Variants in SEMA6D observed in about 807,000 individuals in gnomAD.
SEMA6D encodes semaphorin-6D.
A neutral mutation model predicts 106.6 loss-of-function variants in SEMA6D; 35 were observed. The observed-to-expected ratio is 0.33, with a 90% CI of 0.25 to 0.44. The LOEUF is 0.44. Among genes scored for constraint, SEMA6D ranks in the 20% least tolerant of loss-of-function variants. SEMA6D has a pLI of 1.00. For synonymous variants in SEMA6D, 499 were observed against 487.7 expected, an observed-to-expected ratio of 1.02 and a Z score of -0.31; for missense variants, 1,185 against 1,345.9, an observed-to-expected ratio of 0.88 and a Z score of 1.87.
intron 1 of SEMA6D, among the ~76,000 whole-genome samples, chr15:47,358,399 C>T (rs1234668145): frequency 6.6e-6 from 1 of 152,218 alleles, no homozygotes; most frequent in African/African-American, 2.4e-5. Flanking sequence ...ATTTACAAAA[C>T]ATTTTTCTAA....
intron 3 of SEMA6D, among the ~76,000 whole-genome samples, chr15:47,529,805 C>G (rs894899262): frequency 6.6e-6 from 1 of 152,134 alleles, no homozygotes; most frequent in Non-Finnish European, 1.5e-5. Flanking sequence ...TTTTTCAAAA[C>G]CTACATTTTT....
At chr15:47,445,919 CA>C (rs1252470851) in intron 2 of SEMA6D, among the ~76,000 whole-genome samples, 1 of 152,134 alleles carries the variant, frequency 6.6e-6, no homozygotes, top group Non-Finnish European at 1.5e-5. Flanking sequence ...GTGCTGGCAA[CA>C]CAACACAGAT....
intron 4 of SEMA6D, among the ~76,000 whole-genome samples, chr15:47,658,619 A>T (rs555572162): frequency 1.2e-4 from 18 of 152,256 alleles, no homozygotes; most frequent in African/African-American, 4.1e-4. Context: ...GGACTGCGCA[A>T]TCCTTCCCCC....
chr15:47,331,013 G>A (rs530302272), intron 1 of SEMA6D, among the ~76,000 whole-genome samples: 1 of 152,308 alleles, frequency 6.6e-6, no homozygotes, highest in East Asian at 1.9e-4. Flanking sequence ...TCAGTCTTTA[G>A]CTGTGACAAA....
At chr15:47,531,678 T>A (rs1249940580) in intron 3 of SEMA6D, among the ~76,000 whole-genome samples, 3 of 152,228 alleles carry the variant, frequency 2.0e-5, no homozygotes, top group Non-Finnish European at 2.9e-5. Context: ...CCCCCCAGAC[T>A]CATCCCCTCC....
At chr15:47,388,181 ACAAT>A (rs1187396498) in intron 1 of SEMA6D, among the ~76,000 whole-genome samples, 1 of 152,196 alleles carries the variant, frequency 6.6e-6, no homozygotes. Context: ...GAGCAAACAA[ACAAT>A]CAATGAATAT....
At chr15:47,672,362 G>A (rs990094577) in intron 4 of SEMA6D, among the ~76,000 whole-genome samples, 3 of 152,222 alleles carry the variant, frequency 2.0e-5, no homozygotes, top group African/African-American at 7.2e-5. Context: ...AGAAAGTGAG[G>A]TATTTGCCGG....
At chr15:47,615,785 T>A (rs2076996559) in intron 4 of SEMA6D, among the ~76,000 whole-genome samples, 1 of 152,212 alleles carries the variant, frequency 6.6e-6, no homozygotes, top group African/African-American at 2.4e-5. Flanking sequence ...ACAGAAATTG[T>A]CTCTTTGCGA....
intron 1 of SEMA6D, among the ~76,000 whole-genome samples, chr15:47,259,910 G>A (rs1255360635): frequency 2.7e-5 from 4 of 150,646 alleles, no homozygotes; most frequent in African/African-American, 9.7e-5. Flanking sequence ...TTGTTCAGAT[G>A]GGGTAAACTG....
intron 4 of SEMA6D, among the ~76,000 whole-genome samples, chr15:47,604,821 C>T (rs1420018184): frequency 1.3e-5 from 2 of 150,750 alleles, no homozygotes; most frequent in East Asian, 1.9e-4. Context: ...CTCAGTCTCC[C>T]GAGTAGCTGG....
In SEMA6D at chr15:47,513,212, G is replaced by A. The variant is rs2044285777; in HGVS notation, c.-87+42667G>A. On this transcript the variant is annotated intron_variant, in intron 3 of 19. Transcript: ENST00000558014. ...AAAAAAAGTGGCCCCCATCATCTGAGAGGGAACACAGGCAGATTGATTTGT... is the reference window on the plus strand; with the variant it reads ...AAAAAAAGTGGCCCCCATCATCTGAAAGGGAACACAGGCAGATTGATTTGT... Among the ~76,000 whole-genome samples, 4 of 152,096 alleles carry A rather than the reference G, an allele frequency of 2.6e-5. 1 individual carries two copies. In the South Asian group the frequency reaches 8.3e-4, roughly 32 times the overall value.
chr15:47,202,643 C>T (rs62017390), intron 1 of SEMA6D, among the ~76,000 whole-genome samples: 1,852 of 152,322 alleles, frequency 0.012, 43 homozygotes, highest in Admixed American at 0.012. Flanking sequence ...TCTCAAGTCA[C>T]CTTCGTGGCC....
At chr15:47,248,602 T>G (rs1595538983) in intron 1 of SEMA6D, among the ~76,000 whole-genome samples, 3 of 152,374 alleles carry the variant, frequency 2.0e-5, no homozygotes, top group Admixed American at 6.5e-5. Flanking sequence ...AGATATTAAT[T>G]CTAAATGATT....
intron 4 of SEMA6D, among the ~76,000 whole-genome samples, chr15:47,707,777 T>G (rs1369811505): frequency 6.6e-6 from 1 of 152,202 alleles, no homozygotes; most frequent in Non-Finnish European, 1.5e-5. Flanking sequence ...TGTGTAATAA[T>G]TTCCAATTTT....
chr15:47,479,445 T>C (rs2043089847), intron 3 of SEMA6D, among the ~76,000 whole-genome samples: 1 of 152,158 alleles, frequency 6.6e-6, no homozygotes, highest in South Asian at 2.1e-4. Context: ...CTAGACCCAG[T>C]CACTGATACA....
chr15:47,611,309 C>A (rs572403692), intron 4 of SEMA6D, among the ~76,000 whole-genome samples: 2 of 152,246 alleles, frequency 1.3e-5, no homozygotes, highest in East Asian at 1.9e-4. Context: ...CTTTTTTATA[C>A]CCTACATGTC....
chr15:47,611,351 C>T (rs528963039), intron 4 of SEMA6D, among the ~76,000 whole-genome samples: 1 of 152,058 alleles, frequency 6.6e-6, no homozygotes, highest in Admixed American at 6.5e-5. Flanking sequence ...TGACAACATG[C>T]TATCATATGT....
chr15:47,260,018 TTA>T (rs963322487), intron 1 of SEMA6D, among the ~76,000 whole-genome samples: 1 of 151,878 alleles, frequency 6.6e-6, no homozygotes, highest in African/African-American at 2.4e-5. Context: ...TCCATTTTGG[TTA>T]TTGTATTTCC....
rs189852062 is a variant in SEMA6D at position 47,519,077 on chromosome 15, A to G, written c.-87+48532A>G. Among the ~76,000 whole-genome samples the G allele has an allele frequency of 2.5e-3, 387 of 152,292 alleles. 3 individuals are homozygous for G. Among genetic ancestry groups the G allele is most frequent in the Non-Finnish European group, 3.7e-3 (254 of 68,032 alleles). ...CTGTCTCTACTAAAAATACAAAAAA[A>G]TTAGCCAGGCATGGTGGTCAAATAC... is the stretch of plus-strand genomic sequence containing the variant. On this transcript the variant is annotated intron_variant, in intron 3 of 19. Coordinates refer to the SEMA6D transcript ENST00000558014.
Sources: gnomAD v4.1 joint callset for allele counts (sites outside exome capture counted in the v4.1 genomes callset) on GRCh38, gnomAD v4.1.1 for gene constraint, MANE v1.5 for transcripts, NCBI Gene and HGNC (gene_info 2026-07-23, HGNC 2026-07-21) for gene names.